The following PACSIN1 variants were observed in gnomAD, a reference collection of about 807,000 sequenced individuals.
PACSIN1 encodes the protein protein kinase C and casein kinase substrate in neurons protein 1.
Under a neutral mutation model 59.5 loss-of-function variants are expected in PACSIN1, and 15 were observed. The observed-to-expected ratio is 0.25, with a 90% CI of 0.17 to 0.39. PACSIN1 has a LOEUF of 0.39. Among genes scored for constraint, PACSIN1 ranks in the 10% least tolerant of loss-of-function variants. The probability of loss-of-function intolerance (pLI) is 1.00; values close to 1 mark genes in which losing one functional copy is unlikely to be tolerated. For synonymous variants in PACSIN1, 210 were observed against 220.6 expected (o/e 0.95, Z 0.42); for missense variants, 420 against 580.2 (o/e 0.72, Z 2.84).
At position 34,530,347 on chromosome 6, in the gene PACSIN1, A is replaced by G. The variant is rs372494026; in HGVS notation, c.893A>G (p.Asn298Ser). The G allele has an allele frequency of 3.7e-6, 6 of 1,613,922 alleles. No homozygotes were observed. In the African/African-American group the frequency reaches 8.0e-5, roughly 22 times the overall value. Residue 298 changes from asparagine to serine, a missense_variant, in exon 7 of 10, where the codon AAC becomes AGC. By Grantham distance (46) the Asn-to-Ser change is conservative. Coordinates refer to ENST00000244458, the MANE Select transcript of PACSIN1 (RefSeq NM_020804.5). This position sits in a 1 kb window ranked among gnomAD's most constrained non-coding sequence, Gnocchi z 4.4. ...RSTSGPGMPM[N>S]WPQFEEWNPD... is the part of the protein sequence containing the mutation. ...ACCAGTGGCCCCGGCATGCCCATGA[A>G]CTGGCCCCAGTTTGAGGTGAGGATA...
chr6:34,505,169 A>T (rs1222929164), intron 1 of PACSIN1, among the ~76,000 whole-genome samples: 1 of 151,178 alleles, frequency 6.6e-6, no homozygotes, highest in Non-Finnish European at 1.5e-5. Context: ...TGATTTAAAA[A>T]TTTTTTTTTG....
Position 34,531,994 on chromosome 6 carries a change from T to C in PACSIN1, c.1225+207T>C, listed in dbSNP as rs1767605301. On this transcript the variant is annotated intron_variant, in intron 9 of 9. Transcript: ENST00000244458. The surrounding 1 kb of genome is among the most constrained non-coding windows in gnomAD (Gnocchi z 4.4). ...CCTGAAAGAGAGGCTTGGGCCTGCA[T>C]TGGGTGTGTGGTGGGGTAGAGGCAG... 6.6e-6 allele frequency among the ~76,000 whole-genome samples: 1 copy of C among 151,508 alleles called. No homozygotes were observed. The highest frequency in any genetic ancestry group is 6.6e-5 in the Admixed American group (1 of 15,212).
In PACSIN1 at chr6:34,530,258, C is replaced by T. The variant is rs756946649; in HGVS notation, c.804C>T (p.Tyr268=). The change falls in exon 7 of 10, where the codon TAC becomes TAT. Residue 268 remains tyrosine (Y), a synonymous_variant. Coordinates refer to ENST00000244458, the MANE Select transcript of PACSIN1 (RefSeq NM_020804.5). This position sits in a 1 kb window ranked among gnomAD's most constrained non-coding sequence, Gnocchi z 4.4. ...LAENSSYIHV[Y]RELEQAIRGA... ...CTGAGCACAGCTACATCCATGTGTA[C>T]CGTGAGCTGGAGCAGGCCATCCGGG... 2 of 1,613,782 alleles carry T rather than the reference C, an allele frequency of 1.2e-6. No individual in the cohort carries two copies. Among genetic ancestry groups the T allele is most frequent in the Admixed American group, 1.7e-5 (1 of 59,996 alleles).
chr6:34,530,268 G>C lies in PACSIN1; in HGVS notation c.814G>C (p.Glu272Gln). 6.2e-7 allele frequency: 1 copy of C among 1,614,068 alleles called. No homozygotes were observed. ...SSYIHVYREL[E>Q]QAIRGADAQE... ...CTACATCCATGTGTACCGTGAGCTG[G>C]AGCAGGCCATCCGGGGGGCTGATGC... Residue 272 changes from glutamate (E) to glutamine (Q), a missense_variant, in exon 7 of 10, where the codon GAG (glutamate) becomes CAG (glutamine). Coordinates refer to ENST00000244458, the MANE Select transcript of PACSIN1 (RefSeq NM_020804.5). This position sits in a 1 kb window ranked among gnomAD's most constrained non-coding sequence, Gnocchi z 4.4.
chr6:34,527,188 G>A (rs1767502349), intron 2 of PACSIN1, 144 bp from the exon 3 acceptor site: 1 of 810,132 alleles, frequency 1.2e-6, no homozygotes, highest in Non-Finnish European at 1.7e-6. Context: ...CCGCGGGGCG[G>A]GGGGCGGGGG....
rs1304747599 is a variant in PACSIN1, at chr6:34,533,183, C to T, written c.*653C>T. On this transcript the variant is annotated 3_prime_UTR_variant, in exon 10 of 10. Coordinates refer to ENST00000244458, the MANE Select transcript of PACSIN1 (RefSeq NM_020804.5). ...TGAGCTGGAGGAAGTCATGGTGTCA[C>T]TGGGGTACAGGAGGGTGAATGAAGG... 1.3e-5 allele frequency: 2 copies of T among 152,386 alleles called. No individual in the cohort carries two copies. The highest frequency in any genetic ancestry group is 2.9e-5 in the Non-Finnish European group (2 of 68,168). The allele number at this position is 152,386 out of a possible 1,614,324, so 9.4% of individuals were successfully genotyped here.
intron 1 of PACSIN1, among the ~76,000 whole-genome samples, chr6:34,484,182 C>A (rs1326987009): frequency 6.6e-6 from 1 of 152,122 alleles, no homozygotes; most frequent in Non-Finnish European, 1.5e-5. Context: ...TCATTGCCAA[C>A]ATTTAGAAGC....
Position 34,529,358 on chromosome 6 carries a change from C to G in PACSIN1, c.457-39C>G. On this transcript the variant is annotated intron_variant, in intron 4 of 9. Coordinates refer to ENST00000244458, the MANE Select transcript of PACSIN1 (RefSeq NM_020804.5). This position sits in a 1 kb window ranked among gnomAD's most constrained non-coding sequence, Gnocchi z 6.3. ...GGGTGACCATGTTTGCTGCTGGTCA[C>G]AAATGAAAACCCTACTCCCTATTCC... 1 of 1,603,738 alleles carries G rather than the reference C, an allele frequency of 6.2e-7. No individual in the cohort carries two copies. The highest frequency in any genetic ancestry group is 1.1e-5 in the South Asian group (1 of 90,938).
intron 1 of PACSIN1, among the ~76,000 whole-genome samples, chr6:34,508,345 C>A (rs1561964561): frequency 6.6e-6 from 1 of 152,100 alleles, no homozygotes; most frequent in East Asian, 1.9e-4. Context: ...CCTCAGGTGA[C>A]CCACCCGCCT....
intron 1 of PACSIN1, among the ~76,000 whole-genome samples, chr6:34,487,589 AAGG>A (rs1245509308): frequency 6.6e-6 from 1 of 152,168 alleles, no homozygotes; most frequent in Non-Finnish European, 1.5e-5. Flanking sequence ...GACTGGACTG[AAGG>A]AGAAGTCACA....
chr6:34,494,764 G>A (rs949673232), intron 1 of PACSIN1, among the ~76,000 whole-genome samples: 6 of 152,190 alleles, frequency 3.9e-5, no homozygotes, highest in African/African-American at 7.2e-5. Flanking sequence ...CAAACTCCCA[G>A]GTCATGCCAG....
chr6:34,470,214 AC>A (rs958260507), intron 1 of PACSIN1, among the ~76,000 whole-genome samples: 13 of 151,626 alleles, frequency 8.6e-5, no homozygotes, highest in African/African-American at 2.9e-4. Context: ...ACGGAGTCTC[AC>A]TCTGTTACCC....
rs1181191347 is a variant in PACSIN1, at chr6:34,527,507, A to G, written c.220+19A>G. On this transcript the variant is annotated intron_variant, in intron 3 of 9. Transcript: ENST00000244458. ...GAGAAAGGTGCTCCCCCAGGCTCAC[A>G]TCGTGCGCGCCCCCAGGCCGTCACG... The G allele has an allele frequency of 5.7e-6, 9 of 1,569,944 alleles. No individual in the cohort carries two copies. In the African/African-American group the frequency reaches 6.8e-5, roughly 12 times the overall value.
At chr6:34,471,058 G>A (rs1766565470) in intron 1 of PACSIN1, among the ~76,000 whole-genome samples, 1 of 152,038 alleles carries the variant, frequency 6.6e-6, no homozygotes, top group Non-Finnish European at 1.5e-5. Context: ...TGATTCTCCT[G>A]CCTCAGCCTC....
chr6:34,531,717 C>T lies in PACSIN1; in HGVS notation c.1155C>T (p.Ser385=). 3.1e-6 allele frequency: 5 copies of T among 1,610,380 alleles called. No individual in the cohort carries two copies. Among genetic ancestry groups the T allele is most frequent in the East Asian group, 2.2e-5 (1 of 44,768 alleles). The change falls in exon 9 of 10, where the codon TCC becomes TCT. Residue 385 remains serine, a synonymous_variant. Transcript: ENST00000244458. This position sits in a 1 kb window ranked among gnomAD's most constrained non-coding sequence, Gnocchi z 4.4. ...NGGANPFEDD[S]KGVRVRALYD... is the part of the protein sequence containing the mutation. ...GCGCCAACCCCTTTGAGGACGACTC[C>T]AAGGGAGTGCGCGTGCGGGCACTCT... is the stretch of plus-strand genomic sequence containing the variant.
rs769639138 is a variant in PACSIN1, at chr6:34,514,279, C to T, written c.-63-11964C>T. Among the ~76,000 whole-genome samples, 16 of 151,898 alleles carry T rather than the reference C, an allele frequency of 1.1e-4. 1 individual carries two copies. The highest frequency in any genetic ancestry group is 8.3e-4 in the South Asian group (4 of 4,818). On this transcript the variant is annotated intron_variant, in intron 1 of 9. Transcript: ENST00000244458. The surrounding 1 kb of genome is among the most constrained non-coding windows in gnomAD (Gnocchi z 4.4). The stretch of plus-strand genomic sequence containing the variant: ...TGTCGGAACTGGCATCACAAGGTCT[C>T]GGTGCCGACAGCTAGCCCAGGAACC...
intron 1 of PACSIN1, among the ~76,000 whole-genome samples, chr6:34,467,777 C>T (rs922991267): frequency 3.3e-5 from 5 of 152,176 alleles, no homozygotes; most frequent in Middle Eastern, 3.4e-3. Context: ...AGGCTGGTCT[C>T]GAACTCCTGA....
At position 34,515,610 on chromosome 6, in the gene PACSIN1, T is replaced by C. The variant is rs967933131; in HGVS notation, c.-63-10633T>C. ...GGTCAGGTCAGAGGCATCTACCTCCTGCCCCAACCTCAGGCCCTTCCCCTT... is the reference window on the plus strand; with the variant it reads ...GGTCAGGTCAGAGGCATCTACCTCCCGCCCCAACCTCAGGCCCTTCCCCTT... On this transcript the variant is annotated intron_variant, in intron 1 of 9. Coordinates refer to ENST00000244458, the MANE Select transcript of PACSIN1 (RefSeq NM_020804.5). This position sits in a 1 kb window ranked among gnomAD's most constrained non-coding sequence, Gnocchi z 4.4. Among the ~76,000 whole-genome samples the C allele has an allele frequency of 2.0e-5, 3 of 152,182 alleles. No individual in the cohort carries two copies. Among genetic ancestry groups the C allele is most frequent in the African/African-American group, 7.2e-5 (3 of 41,454 alleles).
intron 1 of PACSIN1, among the ~76,000 whole-genome samples, chr6:34,506,257 G>T (rs1389131309): frequency 6.6e-6 from 1 of 151,882 alleles, no homozygotes; most frequent in Non-Finnish European, 1.5e-5. Context: ...TTGCTCTGTT[G>T]CCCAGGCTGG....
Sources: allele counts gnomAD v4.1 joint callset (sites outside exome capture counted in the v4.1 genomes callset), GRCh38; gene constraint gnomAD v4.1.1; non-coding constraint Gnocchi (gnomAD v3.1); transcripts MANE v1.5; gene names NCBI Gene and HGNC (gene_info 2026-07-23, HGNC 2026-07-21).